The following PID1 variants were observed in gnomAD, a reference collection of about 807,000 sequenced individuals.
The protein encoded by PID1 is phosphotyrosine interaction domain containing 1.
PID1 carries 10 observed loss-of-function variants against 19.1 expected under a neutral mutation model. The ratio of observed to expected loss-of-function variants is 0.52; its 90% CI spans 0.32 to 0.89. The LOEUF (loss-of-function observed/expected upper bound fraction) is 0.89, where lower values mean the gene tolerates loss of function less well. PID1 is among the 40% of genes least tolerant of loss of function. The pLI is 0.03. For missense variants in PID1, 248 were observed against 285.3 expected (o/e 0.87, Z 0.94); for synonymous variants, 130 against 116.0 (o/e 1.12, Z -0.78).
intron 2 of PID1, among the ~76,000 whole-genome samples, chr2:229,047,082 C>T (rs1256972340): frequency 2.0e-5 from 3 of 152,174 alleles, no homozygotes; most frequent in Admixed American, 2.0e-4. Flanking sequence ...CTGTAGTCAC[C>T]ATTTAACACC....
chr2:229,195,951 G>A (rs1192064451), intron 1 of PID1, among the ~76,000 whole-genome samples: 2 of 151,962 alleles, frequency 1.3e-5, no homozygotes, highest in Non-Finnish European at 1.5e-5. Flanking sequence ...TGTATTAAAC[G>A]ATGCAAACTG....
chr2:229,162,604 A>C (rs1300285476), intron 1 of PID1, among the ~76,000 whole-genome samples: 4 of 152,242 alleles, frequency 2.6e-5, no homozygotes, highest in Non-Finnish European at 4.4e-5. Flanking sequence ...ACCACAAGGA[A>C]CAATTGGGTG....
intron 1 of PID1, among the ~76,000 whole-genome samples, chr2:229,195,104 G>A (rs1021223861): frequency 2.0e-5 from 3 of 151,596 alleles, no homozygotes; most frequent in South Asian, 2.1e-4. Context: ...TATCTGCATC[G>A]TTTAAATCTT....
chr2:229,144,159 A>G (rs1690076783), intron 2 of PID1, among the ~76,000 whole-genome samples: 1 of 152,176 alleles, frequency 6.6e-6, no homozygotes, highest in African/African-American at 2.4e-5. Flanking sequence ...TCAGATATAA[A>G]AGGCACACAA....
chr2:229,187,868 TA>T (rs1197456985), intron 1 of PID1, among the ~76,000 whole-genome samples: 5 of 152,202 alleles, frequency 3.3e-5, no homozygotes, highest in Non-Finnish European at 5.9e-5. Flanking sequence ...TCTTCTCCAG[TA>T]TCCCTTTTGC....
chr2:229,180,160 T>C (rs1035663414), intron 1 of PID1, among the ~76,000 whole-genome samples: 2 of 152,150 alleles, frequency 1.3e-5, no homozygotes, highest in Non-Finnish European at 2.9e-5. Context: ...TGACCTAATT[T>C]TTTCTAGAGT....
intron 1 of PID1, among the ~76,000 whole-genome samples, chr2:229,233,223 T>A (rs1050784900): frequency 1.3e-5 from 2 of 152,196 alleles, no homozygotes; most frequent in African/African-American, 4.8e-5. Flanking sequence ...ATAATATGAA[T>A]TATTCAAATT....
chr2:229,152,779 T>C (rs1007191790), intron 2 of PID1, among the ~76,000 whole-genome samples: 4 of 151,228 alleles, frequency 2.6e-5, no homozygotes, highest in Non-Finnish European at 5.9e-5. Flanking sequence ...CAGCAGAAAA[T>C]GGGAAATCTG....
rs148920212 is a variant in PID1 at position 229,176,665 on chromosome 2, G to A, written c.31-20701C>T. Among the ~76,000 whole-genome samples, 558 of 152,316 alleles carry A rather than the reference G, an allele frequency of 3.7e-3. 3 individuals are homozygous for A. The highest frequency in any genetic ancestry group is 0.013 in the African/African-American group (528 of 41,576). On this transcript the variant is annotated intron_variant, in intron 1 of 2. Coordinates refer to ENST00000392055, the MANE Select transcript of PID1 (RefSeq NM_001100818.2). ...TTATCATGAAAAAGAAGACGGCATT[G>A]TATAAGCCCTATGCTCCCAAATATT...
At chr2:229,215,302 G>T (rs539222415) in intron 1 of PID1, among the ~76,000 whole-genome samples, 24 of 152,172 alleles carry the variant, frequency 1.6e-4, no homozygotes, top group Non-Finnish European at 3.1e-4. Flanking sequence ...GACTCTATTT[G>T]AGTCTTTTGC....
intron 1 of PID1, chr2:229,236,216 CT>C (rs1689665784): frequency 6.6e-6 from 1 of 152,024 alleles, no homozygotes; most frequent in Non-Finnish European, 1.5e-5. Flanking sequence ...CAGGTACAAA[CT>C]TTTAAGAAAG....
chr2:229,106,407 G>A (rs532446921), intron 2 of PID1, among the ~76,000 whole-genome samples: 229 of 152,304 alleles, frequency 1.5e-3, no homozygotes, highest in African/African-American at 4.7e-3. Context: ...CAGGGTATTT[G>A]CATGAATTAT....
intron 2 of PID1, among the ~76,000 whole-genome samples, chr2:229,056,653 C>G (rs1037473291): frequency 8.1e-5 from 11 of 135,288 alleles, no homozygotes; most frequent in Admixed American, 8.0e-4. Context: ...AGCCCTTTCA[C>G]CCGATTTGGC....
rs541381117 is a variant in PID1 at position 229,046,522 on chromosome 2, C to T, written c.178-20414G>A. Reference sequence around the variant, plus strand: ...AATTAATAAACTTGGCTAGATCTTACGGTGAAAAATCTTAAGTTCTTTCTT... The same window carrying T: ...AATTAATAAACTTGGCTAGATCTTATGGTGAAAAATCTTAAGTTCTTTCTT... On this transcript the variant is annotated intron_variant, in intron 2 of 2. Transcript: ENST00000392055. Among the ~76,000 whole-genome samples the T allele has an allele frequency of 6.2e-4, 94 of 151,848 alleles. 1 individual carries two copies. In the South Asian group the frequency reaches 0.015, roughly 25 times the overall value.
At chr2:229,104,866 C>A (rs944927652) in intron 2 of PID1, among the ~76,000 whole-genome samples, 2 of 152,214 alleles carry the variant, frequency 1.3e-5, no homozygotes, top group African/African-American at 4.8e-5. Context: ...GGAGGCAAGC[C>A]ACATTGCTAG....
intron 2 of PID1, among the ~76,000 whole-genome samples, chr2:229,047,827 C>T (rs1470329925): frequency 6.6e-6 from 1 of 152,186 alleles, no homozygotes; most frequent in Non-Finnish European, 1.5e-5. Flanking sequence ...TGAATTCAGA[C>T]ACTCTCCCTC....
intron 1 of PID1, among the ~76,000 whole-genome samples, chr2:229,159,010 C>A (rs1690439856): frequency 6.6e-6 from 1 of 152,074 alleles, no homozygotes; most frequent in South Asian, 2.1e-4. Flanking sequence ...ATGAATAAGA[C>A]CTACTATTTG....
At chr2:229,190,360 G>T (rs113817795) in intron 1 of PID1, among the ~76,000 whole-genome samples, 3 of 152,182 alleles carry the variant, frequency 2.0e-5, no homozygotes, top group African/African-American at 7.2e-5. Flanking sequence ...ACCCCAGGCT[G>T]CAGGAGGGGC....
At chr2:229,253,390 T>C (rs1479622025) in intron 1 of PID1, among the ~76,000 whole-genome samples, 1 of 152,090 alleles carries the variant, frequency 6.6e-6, no homozygotes, top group Non-Finnish European at 1.5e-5. Context: ...GAGAGTGACA[T>C]CCAAGTTATA....
Sources: gnomAD v4.1 joint callset for allele counts (sites outside exome capture counted in the v4.1 genomes callset) on GRCh38, gnomAD v4.1.1 for gene constraint, MANE v1.5 for transcripts, NCBI Gene and HGNC (gene_info 2026-07-23, HGNC 2026-07-21) for gene names.